The following SLC26A5 variants were observed in gnomAD, a reference collection of about 807,000 sequenced individuals.
The protein encoded by SLC26A5 is solute carrier family 26 member 5, also known as prestin.
A neutral mutation model predicts 81.0 loss-of-function variants in SLC26A5; 51 were observed. The ratio of observed to expected loss-of-function variants is 0.63; its 90% confidence interval spans 0.50 to 0.80. The LOEUF is 0.80. Among genes scored for constraint, SLC26A5 ranks in the 30% least tolerant of loss-of-function variants. The probability of loss-of-function intolerance (pLI) is 0.00; values close to 1 mark genes in which losing one functional copy is unlikely to be tolerated. For missense variants in SLC26A5, 771 were observed against 905.8 expected (o/e 0.85, Z 1.91); for synonymous variants, 325 against 332.8 (o/e 0.98, Z 0.25).
chr7:103,373,520 G>C (rs1297514413), downstream of SLC26A5, among the ~76,000 whole-genome samples: 1 of 152,136 alleles, frequency 6.6e-6, no homozygotes, highest in African/African-American at 2.4e-5. Context: ...CGCTGCCCCA[G>C]TCTCTTTAAC....
chr7:103,390,865 CTT>C (rs532219107), intron 11 of SLC26A5, among the ~76,000 whole-genome samples: 22 of 134,584 alleles, frequency 1.6e-4, no homozygotes, highest in Admixed American at 3.0e-4. Context: ...TGGCCATTTA[CTT>C]TTTTTTTTTT....
At chr7:103,352,786 G>A (rs1819794432) in exon 20 of SLC26A5, 1 of 776,424 alleles carries the variant, frequency 1.3e-6, no homozygotes, top group Non-Finnish European at 2.4e-6. Context: ...GAAGTGTTAA[G>A]TGACTTGGCT....
intron 19 of SLC26A5, among the ~76,000 whole-genome samples, chr7:103,375,358 T>A (rs1298343211): frequency 6.6e-6 from 1 of 152,074 alleles, no homozygotes; most frequent in African/African-American, 2.4e-5. Context: ...ATATGCAGCA[T>A]ATTGCTGGAT....
chr7:103,402,741 C>A (rs1407631177), intron 8 of SLC26A5, among the ~76,000 whole-genome samples: 1 of 147,250 alleles, frequency 6.8e-6, no homozygotes, highest in Non-Finnish European at 1.5e-5. Flanking sequence ...TATCCCCTTT[C>A]TCATTTTTTA....
At chr7:103,442,292 C>A (rs1451698847) in intron 2 of SLC26A5, among the ~76,000 whole-genome samples, 4 of 152,146 alleles carry the variant, frequency 2.6e-5, no homozygotes, top group African/African-American at 7.2e-5. Flanking sequence ...CATGTGCCAC[C>A]ACGCCTGGCT....
intron 8 of SLC26A5, among the ~76,000 whole-genome samples, chr7:103,404,436 C>T (rs1823864014): frequency 6.6e-6 from 1 of 152,086 alleles, no homozygotes; most frequent in African/African-American, 2.4e-5. Context: ...TTATCCTTTG[C>T]TTATGAAGCT....
Position 103,411,490 on chromosome 7 carries a change from CCATTGGTTG to C in SLC26A5, c.491_499del (p.Ala164_Asn166del). ...TCTCAAGGCATCTCTGGCCTCTGTGCCATTGGTTGCATTTACTCCTCCTGGAATGACTAT... is the reference window on the plus strand; with the variant it reads ...TCTCAAGGCATCTCTGGCCTCTGTGCCATTTACTCCTCCTGGAATGACTAT... On this transcript the variant is annotated inframe_deletion, in exon 6 of 20. Coordinates refer to ENST00000306312, the MANE Select transcript of SLC26A5 (RefSeq NM_198999.3). 6.2e-7 allele frequency: 1 copy of C among 1,614,162 alleles called. No individual in the cohort carries two copies. Among genetic ancestry groups the C allele is most frequent in the Non-Finnish European group, 8.5e-7 (1 of 1,180,034 alleles).
At chr7:103,380,578 G>A (rs772144178) in intron 14 of SLC26A5, 29 bp from the exon 15 acceptor site, 4 of 1,592,200 alleles carry the variant, frequency 2.5e-6, no homozygotes, top group Non-Finnish European at 8.6e-7. Context: ...AAATACCATT[G>A]TGTTGAGGCA....
At position 103,376,716 on chromosome 7, in the gene SLC26A5, T is replaced by C. The variant is rs571616520; in HGVS notation, c.2041+92A>G. ...AACAATTTTCATTTTTATAAAATAA[T>C]TAAAATTAAGGACATTTCCAAGTGC... On this transcript the variant is annotated intron_variant, in intron 19 of 19. Coordinates refer to ENST00000306312, the MANE Select transcript of SLC26A5 (RefSeq NM_198999.3). 4.9e-5 allele frequency: 47 copies of C among 950,206 alleles called. No homozygotes were observed. The African/African-American group carries it at 6.0e-4, about 12-fold the overall frequency. The allele number at this position is 950,206 out of a possible 1,614,324, so 58.9% of individuals were successfully genotyped here.
downstream of SLC26A5, among the ~76,000 whole-genome samples, chr7:103,372,809 CAT>C (rs1821109434): frequency 6.9e-6 from 1 of 145,792 alleles, no homozygotes; most frequent in Admixed American, 7.0e-5. Flanking sequence ...TCGAAAAGAA[CAT>C]AATGGATTGA....
chr7:103,439,563 T>C (rs1562815241), intron 2 of SLC26A5, among the ~76,000 whole-genome samples: 1 of 151,786 alleles, frequency 6.6e-6, no homozygotes, highest in Non-Finnish European at 1.5e-5. Context: ...AGACAGAGTC[T>C]CACTCTGTTG....
chr7:103,379,257 C>A lies in SLC26A5; in HGVS notation c.1663G>T (p.Ala555Ser). ...YYANSDLYSN[A>S]LKRKTGVNPA... ...TCATGACTCACCTTTCGTTTTAATG[C>A]ATTGCTATACAAGTCGCTATTTGCA... Residue 555 changes from alanine to serine, a missense_variant, in exon 16 of 20, where the codon GCA becomes TCA. By Grantham distance (99) the Ala-to-Ser change is moderately conservative (BLOSUM62 1). Transcript: ENST00000306312. 6.2e-7 allele frequency: 1 copy of A among 1,608,694 alleles called. No individual in the cohort carries two copies. Among genetic ancestry groups the A allele is most frequent in the Non-Finnish European group, 8.5e-7 (1 of 1,175,306 alleles).
chr7:103,362,741 A>G, intron 19 of SLC26A5: 1 of 1,602,232 alleles, frequency 6.2e-7, no homozygotes, highest in Non-Finnish European at 8.5e-7. Context: ...GATTGACCCA[A>G]CAGTTACCAT....
chr7:103,369,726 C>CAT (rs746394733), downstream of SLC26A5, among the ~76,000 whole-genome samples: 141 of 150,198 alleles, frequency 9.4e-4, no homozygotes, highest in Middle Eastern at 7.0e-3. Flanking sequence ...TGTAGATGCA[C>CAT]ATATATATAT....
intron 4 of SLC26A5, among the ~76,000 whole-genome samples, chr7:103,417,943 C>T (rs567528820): frequency 1.3e-5 from 2 of 152,254 alleles, no homozygotes; most frequent in South Asian, 2.1e-4. Context: ...ATATGGGTTT[C>T]ACCATGTTGG....
intron 1 of SLC26A5, among the ~76,000 whole-genome samples, chr7:103,444,627 A>C (rs1827140659): frequency 6.6e-6 from 1 of 152,210 alleles, no homozygotes; most frequent in Non-Finnish European, 1.5e-5. Context: ...TTTTGGTTTC[A>C]CTCATAAATT....
At chr7:103,445,678 C>G (rs748258592) in intron 1 of SLC26A5, 1 of 152,428 alleles carries the variant, frequency 6.6e-6, no homozygotes, top group African/African-American at 2.4e-5. Flanking sequence ...AGGCAGGGCC[C>G]GTCTCCGGAA....
chr7:103,375,239 T>C (rs1224104542), intron 19 of SLC26A5, among the ~76,000 whole-genome samples: 1 of 151,614 alleles, frequency 6.6e-6, no homozygotes, highest in Non-Finnish European at 1.5e-5. Context: ...CGTATTCTAT[T>C]GTATAGATGT....
Position 103,374,341 on chromosome 7 carries a change from G to T in SLC26A5, c.*58C>A. ...AAATCTAGCGTCTAGTATTTAAAAC[G>T]TGTAAATTATGAACTTCATGAGAGG... On this transcript the variant is annotated 3_prime_UTR_variant, in exon 20 of 20. Coordinates refer to ENST00000306312, the MANE Select transcript of SLC26A5 (RefSeq NM_198999.3). 4 of 1,604,814 alleles carry T rather than the reference G, an allele frequency of 2.5e-6. No homozygotes were observed. Among genetic ancestry groups the T allele is most frequent in the East Asian group, 2.2e-5 (1 of 44,730 alleles).
Sources: gnomAD v4.1 joint callset for allele counts (sites outside exome capture counted in the v4.1 genomes callset) on GRCh38, gnomAD v4.1.1 for gene constraint, MANE v1.5 for transcripts, NCBI Gene and HGNC (gene_info 2026-07-23, HGNC 2026-07-21) for gene names.